TMEM132B: variants seen among roughly 807,000 people sequenced by gnomAD.
TMEM132B encodes transmembrane protein 132B.
In TMEM132B, 18 loss-of-function variants were observed where a neutral mutation model predicts 90.8. The observed-to-expected ratio is 0.20, with a 90% confidence interval of 0.14 to 0.29. The LOEUF is 0.29. TMEM132B is among the 10% of genes least tolerant of loss of function. TMEM132B has a pLI of 1.00. For missense variants in TMEM132B, 1,096 were observed against 1,326.8 expected (o/e 0.83, Z 2.70); for synonymous variants, 504 against 523.3 (o/e 0.96, Z 0.50).
At position 125,246,299 on chromosome 12, in the gene TMEM132B, A is replaced by T. The variant is rs1158040959; in HGVS notation, c.67+59433A>T. Among the ~76,000 whole-genome samples the T allele has an allele frequency of 6.6e-6, 1 of 152,214 alleles. No individual in the cohort carries two copies. Among genetic ancestry groups the T allele is most frequent in the Non-Finnish European group, 1.5e-5 (1 of 68,038 alleles). On this transcript the variant is annotated intron_variant, in intron 1 of 8. Coordinates refer to ENST00000682704, the MANE Select transcript of TMEM132B (RefSeq NM_001366854.1). This position sits in a 1 kb window ranked among gnomAD's most constrained non-coding sequence, Gnocchi z 4.2. ...CTCCTTTCCCCGCCTTCCCTGCCAC[A>T]GGGAACTCAAGCCGGTTTGGAGTTA... is the stretch of plus-strand genomic sequence containing the variant.
chr12:125,504,045 A>G (rs959488107), intron 3 of TMEM132B, among the ~76,000 whole-genome samples: 2 of 152,228 alleles, frequency 1.3e-5, no homozygotes, highest in Non-Finnish European at 2.9e-5. Flanking sequence ...ACGTGATACA[A>G]TCATTGGGTA....
chr12:125,334,549 T>A (rs1319371077), intron 1 of TMEM132B, among the ~76,000 whole-genome samples: 2 of 152,214 alleles, frequency 1.3e-5, no homozygotes, highest in Non-Finnish European at 2.9e-5. Context: ...TGTCTTTGCC[T>A]TTTTTCTGCC....
chr12:125,612,830 G>C (rs1226237637), intron 5 of TMEM132B, among the ~76,000 whole-genome samples: 1 of 51,636 alleles, frequency 1.9e-5, no homozygotes, highest in Non-Finnish European at 4.3e-5. Context: ...TATGTAGTGG[G>C]TGTTTATATT....
intron 4 of TMEM132B, among the ~76,000 whole-genome samples, chr12:125,576,088 A>G (rs1258954262): frequency 6.6e-6 from 1 of 152,088 alleles, no homozygotes; most frequent in Non-Finnish European, 1.5e-5. Flanking sequence ...TCTTAACAAT[A>G]TTAAGTTTTC....
In TMEM132B at chr12:125,350,274, G is replaced by A. The variant is rs754808307; in HGVS notation, c.890G>A (p.Arg297Gln). 7 of 1,613,894 alleles carry A rather than the reference G, an allele frequency of 4.3e-6. No individual in the cohort carries two copies. The African/African-American group carries it at 5.3e-5, about 12-fold the overall frequency. ...ATCTCGGTACCTCTGAATCTAGTCC[G>A]GGAAGGGGACACGGCCACCTTTTTG... Reference protein sequence around the residue: ...VVISVPLNLVREGDTATFLVS... With the variant: ...VVISVPLNLVQEGDTATFLVS... Residue 297 changes from arginine to glutamine, a missense_variant, in exon 2 of 9, where the codon CGG becomes CAG. Coordinates refer to ENST00000682704, the MANE Select transcript of TMEM132B (RefSeq NM_001366854.1).
chr12:125,615,269 C>T (rs1353526920), intron 5 of TMEM132B, among the ~76,000 whole-genome samples: 2 of 151,964 alleles, frequency 1.3e-5, no homozygotes, highest in African/African-American at 4.8e-5. Context: ...CTACTCCTTT[C>T]TCTTTCTACT....
chr12:125,593,996 A>G (rs1885379492), intron 5 of TMEM132B, among the ~76,000 whole-genome samples: 1 of 152,218 alleles, frequency 6.6e-6, no homozygotes, highest in Admixed American at 6.5e-5. Flanking sequence ...CACCAAAATC[A>G]AAATAGTGAA....
At chr12:125,272,005 T>C (rs930135303) in intron 1 of TMEM132B, among the ~76,000 whole-genome samples, 6 of 152,208 alleles carry the variant, frequency 3.9e-5, no homozygotes, top group African/African-American at 1.4e-4. Flanking sequence ...TGACCTTAAA[T>C]TCCAGCTAGA....
rs546403386 is a variant in TMEM132B, at chr12:125,650,672, T to C, written c.1644-11T>C. 4.5e-5 allele frequency: 72 copies of C among 1,602,926 alleles called. No homozygotes were observed. The African/African-American group carries it at 6.0e-4, about 13-fold the overall frequency. On this transcript the variant is annotated splice_polypyrimidine_tract_variant and intron_variant, in intron 6 of 8. Coordinates refer to ENST00000682704, the MANE Select transcript of TMEM132B (RefSeq NM_001366854.1). ...GAAGACTTTGTTCTGTTTCGATTCC[T>C]TGTGCTCCAGGCCTACCCGGGAAAG...
chr12:125,354,636 A>G (rs1877708542), intron 2 of TMEM132B, among the ~76,000 whole-genome samples: 1 of 152,234 alleles, frequency 6.6e-6, no homozygotes, highest in African/African-American at 2.4e-5. Context: ...TTGCCAATTC[A>G]TTATGCGTGT....
chr12:125,190,137 G>A (rs749630792), intron 1 of TMEM132B, among the ~76,000 whole-genome samples: 2 of 152,084 alleles, frequency 1.3e-5, no homozygotes, highest in Non-Finnish European at 2.9e-5. Context: ...GGGACCGCCT[G>A]TTCAGGGTCA....
At chr12:125,418,770 C>T (rs908629937) in intron 3 of TMEM132B, among the ~76,000 whole-genome samples, 17 of 152,032 alleles carry the variant, frequency 1.1e-4, no homozygotes, top group Non-Finnish European at 2.4e-4. Flanking sequence ...GTTAGAAAGG[C>T]AGTAAAAATC....
chr12:125,361,597 T>A (rs1447428096), intron 2 of TMEM132B, among the ~76,000 whole-genome samples: 3 of 152,198 alleles, frequency 2.0e-5, no homozygotes, highest in Non-Finnish European at 2.9e-5. Context: ...CCAGATCAAG[T>A]CGAGAGCTAA....
intron 1 of TMEM132B, among the ~76,000 whole-genome samples, chr12:125,254,326 C>T (rs951079075): frequency 6.6e-6 from 1 of 151,940 alleles, no homozygotes; most frequent in African/African-American, 2.4e-5. Flanking sequence ...AGAAGAAGAG[C>T]AAAACCAAAA....
At chr12:125,436,814 A>G (rs1423115907) in intron 3 of TMEM132B, among the ~76,000 whole-genome samples, 2 of 152,216 alleles carry the variant, frequency 1.3e-5, no homozygotes, top group Non-Finnish European at 2.9e-5. Flanking sequence ...TCCCTGGAAC[A>G]TAGAACTATG....
rs1325064469 is a variant in TMEM132B at position 125,330,333 on chromosome 12, C to CTTTCT, written c.68-19116_68-19115insCTTTT. Among the ~76,000 whole-genome samples, 691 of 124,454 alleles carry CTTTCT rather than the reference C, an allele frequency of 5.6e-3. 5 individuals carry two copies. The highest frequency in any genetic ancestry group is 0.019 in the African/African-American group (661 of 35,378). 81.6% of individuals were successfully genotyped at this position (124,454 alleles called of 152,430 possible). A position where few individuals can be genotyped will look rare whatever the true frequency, so the allele number is the denominator to read the frequency against. ...TAGTCGTGCTTTGTTTAAGGGGTTT[C>CTTTCT]TTTTTTTTTTTTTTTTTTGCAGCCA... On this transcript the variant is annotated intron_variant, in intron 1 of 8. Coordinates refer to ENST00000682704, the MANE Select transcript of TMEM132B (RefSeq NM_001366854.1).
chr12:125,399,669 G>A (rs1879260054), intron 2 of TMEM132B, among the ~76,000 whole-genome samples: 1 of 152,102 alleles, frequency 6.6e-6, no homozygotes, highest in African/African-American at 2.4e-5. Flanking sequence ...CCAGTTTGTG[G>A]TAATTTGTTA....
chr12:125,354,256 G>A (rs1053353000), intron 2 of TMEM132B, among the ~76,000 whole-genome samples: 4 of 152,208 alleles, frequency 2.6e-5, no homozygotes, highest in African/African-American at 9.6e-5. Context: ...AAAACTGGTG[G>A]CGGTAGCCAA....
chr12:125,382,304 A>G (rs1469538574), intron 2 of TMEM132B, among the ~76,000 whole-genome samples: 1 of 152,212 alleles, frequency 6.6e-6, no homozygotes, highest in Non-Finnish European at 1.5e-5. Flanking sequence ...CAGTCATAGT[A>G]GCATCTCCAT....
Sources: gnomAD v4.1 joint callset for allele counts (sites outside exome capture counted in the v4.1 genomes callset) on GRCh38, gnomAD v4.1.1 for gene constraint, Gnocchi (gnomAD v3.1) non-coding constraint, MANE v1.5 for transcripts, NCBI Gene and HGNC (gene_info 2026-07-23, HGNC 2026-07-21) for gene names.